Variants in FRMD4A observed in about 807,000 individuals in gnomAD.
The protein encoded by FRMD4A is FERM domain-containing protein 4A.
FRMD4A carries 29 observed loss-of-function variants against 129.1 expected under a neutral mutation model. The ratio of observed to expected loss-of-function variants is 0.22; its 90% CI spans 0.17 to 0.31. The LOEUF (loss-of-function observed/expected upper bound fraction) is 0.31. Ranked by LOEUF, FRMD4A falls within the 10% of genes least tolerant of loss-of-function variation. The pLI is 1.00. For synonymous variants in FRMD4A, 634 were observed against 571.6 expected, an observed-to-expected ratio of 1.11 and a Z score of -1.56; for missense variants, 1,272 against 1,375.8, an observed-to-expected ratio of 0.92 and a Z score of 1.19.
intron 2 of FRMD4A, among the ~76,000 whole-genome samples, chr10:13,922,373 T>C (rs1169386047): frequency 6.6e-6 from 1 of 152,178 alleles, no homozygotes; most frequent in East Asian, 1.9e-4. Flanking sequence ...TCAGTACATG[T>C]ATTATGGCAA....
At chr10:13,885,552 T>C (rs1027226635) in intron 2 of FRMD4A, among the ~76,000 whole-genome samples, 1 of 152,202 alleles carries the variant, frequency 6.6e-6, no homozygotes, top group African/African-American at 2.4e-5. Flanking sequence ...ATGATCTAGA[T>C]ACCCCCTTTC....
intron 9 of FRMD4A, among the ~76,000 whole-genome samples, chr10:13,744,138 C>T (rs1030314147): frequency 3.3e-5 from 5 of 152,010 alleles, no homozygotes; most frequent in East Asian, 1.9e-4. Flanking sequence ...TATGGTTCCC[C>T]GTCTTGGAGC....
At chr10:13,804,523 T>TTTCTTTCTTTCTTTCTTTCTTTCTTTC (rs2093322385) in intron 4 of FRMD4A, among the ~76,000 whole-genome samples, 1 of 146,666 alleles carries the variant, frequency 6.8e-6, no homozygotes, top group Non-Finnish European at 1.5e-5. Flanking sequence ...AGTCAGGACT[T>TTTCTTTCTTTCTTTCTTTCTTTCTTTC]TTTCTTTCTT....
At chr10:13,832,075 T>C (rs545458118) in intron 3 of FRMD4A, among the ~76,000 whole-genome samples, 1 of 152,282 alleles carries the variant, frequency 6.6e-6, no homozygotes, top group Admixed American at 6.5e-5. Context: ...CTAATGTGCA[T>C]GAGTGAGGTG....
At chr10:13,678,162 T>A (rs1305410752) in intron 15 of FRMD4A, among the ~76,000 whole-genome samples, 1 of 152,144 alleles carries the variant, frequency 6.6e-6, no homozygotes, top group African/African-American at 2.4e-5. Flanking sequence ...TTTCCAATAA[T>A]TAGCCTAGAT....
At chr10:13,826,532 G>C (rs149167805) in intron 3 of FRMD4A, among the ~76,000 whole-genome samples, 106 of 152,130 alleles carry the variant, frequency 7.0e-4, no homozygotes, top group Non-Finnish European at 1.3e-3. Flanking sequence ...GTCCCTCTCC[G>C]GCCCCAGTGA....
At position 13,652,083 on chromosome 10, in the gene FRMD4A, GCTGATTAGACAC is replaced by G. The variant is rs1237943220; in HGVS notation, c.3051-121_3051-110del. The G allele has an allele frequency of 1.2e-5, 9 of 743,206 alleles. No homozygotes were observed. In the African/African-American group the frequency reaches 1.4e-4, roughly 11 times the overall value. 46.0% of individuals were successfully genotyped at this position (743,206 alleles called of 1,614,324 possible). On this transcript the variant is annotated intron_variant, in intron 23 of 24. Transcript: ENST00000357447. ...GCTTATTAATATATCCGAAAGGCTT[GCTGATTAGACAC>G]CTGAGTTAGCAACAGATCATACAAG...
At chr10:14,166,760 C>T (rs374024132) in intron 2 of FRMD4A, among the ~76,000 whole-genome samples, 2 of 152,224 alleles carry the variant, frequency 1.3e-5, no homozygotes, top group South Asian at 2.1e-4. Context: ...TGCCTGATTG[C>T]CTTCACTCTG....
At chr10:14,080,359 G>A (rs566745495) in intron 2 of FRMD4A, among the ~76,000 whole-genome samples, 1 of 152,198 alleles carries the variant, frequency 6.6e-6, no homozygotes, top group East Asian at 1.9e-4. Context: ...CTCCCATGTT[G>A]TTTTGCCTCC....
chr10:14,146,541 G>T (rs72778609), intron 2 of FRMD4A, among the ~76,000 whole-genome samples: 2 of 152,218 alleles, frequency 1.3e-5, no homozygotes, highest in Middle Eastern at 6.8e-3. Flanking sequence ...TAACCAACAC[G>T]TGAAGGGAAA....
chr10:13,850,455 G>T (rs10796140), intron 3 of FRMD4A, among the ~76,000 whole-genome samples: 74,392 of 151,944 alleles, frequency 0.49, 18,273 homozygotes, highest in East Asian at 0.61. Flanking sequence ...TGCTGTGGAA[G>T]TGTCTTCCAC....
At chr10:13,689,549 C>CTTTTTTTTTTTTTTT (rs34800095) in intron 15 of FRMD4A, among the ~76,000 whole-genome samples, 1 of 128,634 alleles carries the variant, frequency 7.8e-6, no homozygotes, top group South Asian at 2.5e-4. Flanking sequence ...TTAGAAGATT[C>CTTTTTTTTTTTTTTT]TTTTTTTTTT....
intron 12 of FRMD4A, among the ~76,000 whole-genome samples, chr10:13,714,158 G>C (rs1207413833): frequency 6.7e-6 from 1 of 148,416 alleles, no homozygotes; most frequent in East Asian, 2.0e-4. Flanking sequence ...TGCCTCCCGG[G>C]TTCAAGTGAT....
At chr10:14,299,517 C>T (rs1412723375) in intron 2 of FRMD4A, among the ~76,000 whole-genome samples, 2 of 152,182 alleles carry the variant, frequency 1.3e-5, no homozygotes, top group African/African-American at 4.8e-5. Context: ...AGTGAGGCAG[C>T]TGAAAAGGTT....
intron 2 of FRMD4A, among the ~76,000 whole-genome samples, chr10:14,134,606 G>A (rs1046529912): frequency 6.6e-6 from 1 of 151,484 alleles, no homozygotes. Flanking sequence ...GTAGATGGAT[G>A]GATAAATGAG....
chr10:13,785,762 C>T (rs2092839701), intron 5 of FRMD4A, among the ~76,000 whole-genome samples: 1 of 151,864 alleles, frequency 6.6e-6, no homozygotes. Context: ...CTAATGCTAT[C>T]CCTCCCCCTA....
intron 12 of FRMD4A, among the ~76,000 whole-genome samples, chr10:13,733,663 G>T (rs1025375267): frequency 6.6e-6 from 1 of 152,220 alleles, no homozygotes; most frequent in Non-Finnish European, 1.5e-5. Context: ...CTGACCTCAG[G>T]TGATCTGTCC....
At chr10:14,315,459 G>T (rs1218419) in intron 2 of FRMD4A, among the ~76,000 whole-genome samples, 70 of 152,194 alleles carry the variant, frequency 4.6e-4, no homozygotes, top group Admixed American at 9.8e-4. Flanking sequence ...TCATGTATGC[G>T]AGTAAAAGCT....
intron 2 of FRMD4A, among the ~76,000 whole-genome samples, chr10:14,181,416 A>G (rs1841909196): frequency 6.6e-6 from 1 of 152,164 alleles, no homozygotes; most frequent in African/African-American, 2.4e-5. Context: ...AGCCCAGATA[A>G]GGAGAAAGCT....
Sources: gnomAD v4.1 joint callset for allele counts (sites outside exome capture counted in the v4.1 genomes callset) on GRCh38, gnomAD v4.1.1 for gene constraint, MANE v1.5 for transcripts, NCBI Gene and HGNC (gene_info 2026-07-23, HGNC 2026-07-21) for gene names.